ATP2B2: variants seen among roughly 807,000 people sequenced by gnomAD.
ATP2B2 encodes ATPase plasma membrane Ca2+ transporting 2.
A neutral mutation model predicts 120.0 loss-of-function variants in ATP2B2; 15 were observed. The ratio of observed to expected loss-of-function variants is 0.12; its 90% confidence interval spans 0.08 to 0.19. The LOEUF is 0.19. Among genes scored for constraint, ATP2B2 ranks in the 10% least tolerant of loss-of-function variants. The pLI is 1.00. For missense variants in ATP2B2, 1,045 were observed against 1,719.8 expected (o/e 0.61, Z 6.94); for synonymous variants, 694 against 700.3 (o/e 0.99, Z 0.14).
chr3:10,487,415 G>T (rs2065732022), intron 1 of ATP2B2, among the ~76,000 whole-genome samples: 1 of 152,164 alleles, frequency 6.6e-6, no homozygotes, highest in African/African-American at 2.4e-5. Flanking sequence ...CAGTTGTCAG[G>T]TCCTGCCTGG....
chr3:10,383,120 A>G (rs894280694), intron 8 of ATP2B2, among the ~76,000 whole-genome samples: 10 of 147,388 alleles, frequency 6.8e-5, no homozygotes, highest in African/African-American at 2.5e-4. Flanking sequence ...GTACGTGTGC[A>G]CCCTAAAACT....
intron 1 of ATP2B2, among the ~76,000 whole-genome samples, chr3:10,625,565 C>T (rs1178335215): frequency 6.6e-6 from 1 of 152,184 alleles, no homozygotes; most frequent in Non-Finnish European, 1.5e-5. Context: ...GCTTCCTGAC[C>T]CTTGGCTTCT....
intron 2 of ATP2B2, among the ~76,000 whole-genome samples, chr3:10,555,423 T>C (rs1483460582): frequency 1.3e-5 from 2 of 152,254 alleles, no homozygotes; most frequent in African/African-American, 4.8e-5. Context: ...TATGTATCTG[T>C]CAAGGTCCAG....
chr3:10,588,856 A>G (rs1366969967), intron 2 of ATP2B2, among the ~76,000 whole-genome samples: 3 of 152,240 alleles, frequency 2.0e-5, no homozygotes, highest in Admixed American at 6.5e-5. Flanking sequence ...AAATAGATCC[A>G]ACTGGAAATA....
chr3:10,516,244 C>T (rs2066873470), intron 3 of ATP2B2, among the ~76,000 whole-genome samples: 1 of 152,244 alleles, frequency 6.6e-6, no homozygotes, highest in Non-Finnish European at 1.5e-5. Flanking sequence ...CTGCTGCAGG[C>T]TGCCCTGGCC....
At chr3:10,364,086 A>G (rs2060975109) in intron 12 of ATP2B2, among the ~76,000 whole-genome samples, 1 of 152,230 alleles carries the variant, frequency 6.6e-6, no homozygotes, top group South Asian at 2.1e-4. Context: ...CTACCACATG[A>G]AGGAATCTTG....
intron 1 of ATP2B2, among the ~76,000 whole-genome samples, chr3:10,457,808 T>TA (rs34501676): frequency 0.52 from 78,594 of 151,084 alleles, 21,552 homozygotes; most frequent in East Asian, 0.6. Context: ...AAGGAAAATC[T>TA]AAAAAAAAAT....
In ATP2B2 at chr3:10,326,664, A is replaced by G. The variant is rs2059862769; in HGVS notation, c.*2150T>C. ...CAATAAGCACATCTGAGGGCTGGTC[A>G]CCCCTTTGGTTATGCAGTTCCTCTC... On this transcript the variant is annotated 3_prime_UTR_variant, in exon 23 of 23. Coordinates refer to ENST00000360273, the MANE Select transcript of ATP2B2 (RefSeq NM_001001331.4). The G allele has an allele frequency of 2.5e-6, 1 of 398,918 alleles. No homozygotes were observed. The highest frequency in any genetic ancestry group is 4.4e-6 in the Non-Finnish European group (1 of 226,030). The allele number at this position is 398,918 out of a possible 1,614,324, so 24.7% of individuals were successfully genotyped here. A position where few individuals can be genotyped will look rare whatever the true frequency, so the allele number is the denominator to read the frequency against.
At chr3:10,572,265 G>C (rs2068145065) in intron 2 of ATP2B2, among the ~76,000 whole-genome samples, 2 of 152,196 alleles carry the variant, frequency 1.3e-5, no homozygotes, top group Non-Finnish European at 2.9e-5. Context: ...AACTATGGTT[G>C]TTTGTTACAC....
intron 2 of ATP2B2, among the ~76,000 whole-genome samples, chr3:10,559,615 C>T (rs762586844): frequency 2.2e-4 from 33 of 152,096 alleles, no homozygotes; most frequent in Non-Finnish European, 4.4e-4. Context: ...GAGATGTGCT[C>T]AAGGTCACCC....
intron 2 of ATP2B2, among the ~76,000 whole-genome samples, chr3:10,552,326 G>C (rs554320524): frequency 6.6e-6 from 1 of 152,248 alleles, no homozygotes; most frequent in Non-Finnish European, 1.5e-5. Context: ...AGAGGGAACA[G>C]CTTTCGTCAG....
At chr3:10,552,587 C>A (rs2067693441) in intron 2 of ATP2B2, among the ~76,000 whole-genome samples, 1 of 152,268 alleles carries the variant, frequency 6.6e-6, no homozygotes, top group African/African-American at 2.4e-5. Flanking sequence ...CTCCCCTCAG[C>A]ACTGCTTTTA....
At chr3:10,433,177 G>A (rs931479555) in intron 2 of ATP2B2, among the ~76,000 whole-genome samples, 2 of 152,220 alleles carry the variant, frequency 1.3e-5, no homozygotes. Flanking sequence ...CTGAGGCGAA[G>A]TGTGGGAATA....
At chr3:10,673,966 C>T (rs140231633) in intron 1 of ATP2B2, among the ~76,000 whole-genome samples, 2,875 of 151,720 alleles carry the variant, frequency 0.019, 33 homozygotes, top group Non-Finnish European at 0.027. Flanking sequence ...TTTTCTCACA[C>T]TTTCCATAAT....
intron 2 of ATP2B2, among the ~76,000 whole-genome samples, chr3:10,604,198 AG>A (rs2069000137): frequency 6.6e-6 from 1 of 152,034 alleles, no homozygotes; most frequent in Admixed American, 6.5e-5. Flanking sequence ...TGACCCTTCT[AG>A]GATCTCTCCT....
At chr3:10,610,099 A>C (rs1452438523) in intron 2 of ATP2B2, among the ~76,000 whole-genome samples, 1 of 149,496 alleles carries the variant, frequency 6.7e-6, no homozygotes, top group African/African-American at 2.5e-5. Flanking sequence ...ACACACACAC[A>C]CACATATATA....
chr3:10,617,355 T>C (rs911697892), intron 2 of ATP2B2, among the ~76,000 whole-genome samples: 10 of 152,004 alleles, frequency 6.6e-5, no homozygotes, highest in Non-Finnish European at 1.0e-4. Flanking sequence ...TAATTTTAGA[T>C]AAAATAAAAA....
At chr3:10,599,657 T>A (rs1459580059) in intron 2 of ATP2B2, among the ~76,000 whole-genome samples, 2 of 151,972 alleles carry the variant, frequency 1.3e-5, no homozygotes, top group Non-Finnish European at 2.9e-5. Context: ...CACCATGAAA[T>A]TAGGTCACAT....
chr3:10,636,653 G>T (rs1262315412), intron 1 of ATP2B2, among the ~76,000 whole-genome samples: 4 of 152,174 alleles, frequency 2.6e-5, no homozygotes, highest in African/African-American at 4.8e-5. Flanking sequence ...GACAACAATG[G>T]TCAATGATAA....
Sources: allele counts gnomAD v4.1 joint callset (sites outside exome capture counted in the v4.1 genomes callset), GRCh38; gene constraint gnomAD v4.1.1; transcripts MANE v1.5; gene names NCBI Gene and HGNC (gene_info 2026-07-23, HGNC 2026-07-21).